ACACB: variants seen among roughly 807,000 people sequenced by gnomAD.
ACACB encodes the protein acetyl-CoA carboxylase 2.
Under a neutral mutation model 278.8 loss-of-function variants are expected in ACACB, and 209 were observed. The ratio of observed to expected loss-of-function variants is 0.75; its 90% confidence interval spans 0.67 to 0.84. The LOEUF (loss-of-function observed/expected upper bound fraction) is 0.84. Ranked by LOEUF, ACACB falls within the 40% of genes least tolerant of loss-of-function variation. The pLI is 0.00. For synonymous variants in ACACB, 1,174 were observed against 1,285.6 expected, an observed-to-expected ratio of 0.91 and a Z score of 1.86; for missense variants, 2,850 against 3,269.0, an observed-to-expected ratio of 0.87 and a Z score of 3.13.
At chr12:109,210,364 T>C (rs1187298709) in intron 21 of ACACB, among the ~76,000 whole-genome samples, 7 of 139,616 alleles carry the variant, frequency 5.0e-5, no homozygotes, top group Admixed American at 4.9e-4. Flanking sequence ...TGTGTATATA[T>C]GTATATACAC....
At chr12:109,254,864 T>A (rs1419722940) in intron 44 of ACACB, among the ~76,000 whole-genome samples, 4 of 151,898 alleles carry the variant, frequency 2.6e-5, no homozygotes, top group African/African-American at 9.7e-5. Context: ...AATCTCTACC[T>A]CCTGGGTTCA....
At chr12:109,112,612 G>T (rs2042328258), upstream of ACACB, among the ~76,000 whole-genome samples, 1 of 145,230 alleles carries the variant, frequency 6.9e-6, no homozygotes, top group African/African-American at 2.5e-5. Context: ...TGAGGCAGGA[G>T]AATCACTTGA....
At chr12:109,130,668 G>A (rs1463704149) in intron 1 of ACACB, among the ~76,000 whole-genome samples, 2 of 152,164 alleles carry the variant, frequency 1.3e-5, no homozygotes, top group African/African-American at 2.4e-5. Context: ...TCTACAGGCC[G>A]AGTGCAGGTG....
At chr12:109,245,801 T>C in intron 38 of ACACB, 53 bp downstream of exon 38, 6 of 1,596,350 alleles carry the variant, frequency 3.8e-6, no homozygotes, top group Non-Finnish European at 5.1e-6. Context: ...CTTAAAAATA[T>C]TTTTGGGCCA....
At chr12:109,183,913 T>C (rs2044563581) in intron 11 of ACACB, among the ~76,000 whole-genome samples, 1 of 151,268 alleles carries the variant, frequency 6.6e-6, no homozygotes, top group Non-Finnish European at 1.5e-5. Context: ...GTTTTCTTTA[T>C]TTTTTTTTCA....
At chr12:109,128,154 C>T (rs868332792) in intron 1 of ACACB, among the ~76,000 whole-genome samples, 2 of 152,038 alleles carry the variant, frequency 1.3e-5, no homozygotes, top group East Asian at 1.9e-4. Context: ...TTCTGAGATT[C>T]TAGCAATTAG....
At chr12:109,248,867 A>G (rs993008057) in intron 40 of ACACB, 15 of 152,234 alleles carry the variant, frequency 9.9e-5, no homozygotes, top group East Asian at 3.8e-4. Context: ...CTGGCGGGAC[A>G]GTGTTTCTCA....
In ACACB at chr12:109,238,570, TA is replaced by T. The variant is rs377326885; in HGVS notation, c.4662+1191del. Among the ~76,000 whole-genome samples, 878 of 146,574 alleles carry T rather than the reference TA, an allele frequency of 6.0e-3. 28 individuals carry two copies. The East Asian group carries it at 0.08, about 13-fold the overall frequency. On this transcript the variant is annotated intron_variant, in intron 34 of 52. Coordinates refer to ENST00000338432, the MANE Select transcript of ACACB (RefSeq NM_001093.4). ...AATGTATATATAATTATTATATATA[TA>T]TATTTTTTTGGAGATGGAGTTTTGC...
chr12:109,129,378 G>A (rs2042764011), intron 1 of ACACB, among the ~76,000 whole-genome samples: 1 of 152,210 alleles, frequency 6.6e-6, no homozygotes, highest in African/African-American at 2.4e-5. Context: ...TCTTAGCACA[G>A]TGGCTGTCAT....
intron 48 of ACACB, among the ~76,000 whole-genome samples, chr12:109,261,011 G>GA (rs1461281425): frequency 6.6e-6 from 1 of 152,208 alleles, no homozygotes; most frequent in African/African-American, 2.4e-5. Flanking sequence ...TAGGTGGTCA[G>GA]AAAATACTGG....
At chr12:109,259,201 G>A in intron 47 of ACACB, 93 bp downstream of exon 47, 2 of 1,448,642 alleles carry the variant, frequency 1.4e-6, no homozygotes, top group Non-Finnish European at 1.9e-6. Flanking sequence ...CCTAGTCTGT[G>A]CCCATCATCA....
At chr12:109,196,765 G>GACT (rs1374047742) in intron 16 of ACACB, among the ~76,000 whole-genome samples, 3 of 152,162 alleles carry the variant, frequency 2.0e-5, no homozygotes, top group Admixed American at 2.0e-4. Context: ...GCTTGACAGG[G>GACT]ACTATATAAG....
intron 2 of ACACB, among the ~76,000 whole-genome samples, chr12:109,149,747 C>G (rs1345177471): frequency 6.6e-6 from 1 of 152,158 alleles, no homozygotes; most frequent in Non-Finnish European, 1.5e-5. Flanking sequence ...TATTGCAACC[C>G]CTCTGGGTGC....
rs988670276 is a variant in ACACB, at chr12:109,206,161, C to T, written c.2914-549C>T. Among the ~76,000 whole-genome samples the T allele has an allele frequency of 2.6e-5, 4 of 152,134 alleles. No homozygotes were observed. In the East Asian group the frequency reaches 5.8e-4, roughly 22 times the overall value. On this transcript the variant is annotated intron_variant, in intron 19 of 52. Coordinates refer to ENST00000338432, the MANE Select transcript of ACACB (RefSeq NM_001093.4). ...AACAACAACAAACAGATCGGCCGGGCGCAGTGGCTCACCCCTGTAATCCCA... is the reference window on the plus strand; with the variant it reads ...AACAACAACAAACAGATCGGCCGGGTGCAGTGGCTCACCCCTGTAATCCCA...
At chr12:109,112,120 A>G (rs560181125), upstream of ACACB, among the ~76,000 whole-genome samples, 86 of 149,834 alleles carry the variant, frequency 5.7e-4, no homozygotes, top group African/African-American at 2.1e-3. Context: ...GGAATAATTC[A>G]AAACACAATT....
In ACACB at chr12:109,254,324, G is replaced by C. The variant is rs770645594; in HGVS notation, c.6156G>C (p.Arg2052Ser). ...PYDPRWMLAGRPHPTLKGTWQ... is the reference protein window; with the variant it reads ...PYDPRWMLAGSPHPTLKGTWQ... Reference sequence around the variant, plus strand: ...ACCCCCGGTGGATGCTTGCAGGAAGGCCTCACCCAAGTAAGTTCTAAAGTA... The same window carrying C: ...ACCCCCGGTGGATGCTTGCAGGAAGCCCTCACCCAAGTAAGTTCTAAAGTA... Residue 2052 changes from arginine (R) to serine (S), a missense_variant, in exon 44 of 53, where the codon AGG becomes AGC. By Grantham distance (110) the Arg-to-Ser change is moderately radical. Transcript: ENST00000338432. 1.2e-6 allele frequency: 2 copies of C among 1,609,846 alleles called. 1 individual carries two copies. Among genetic ancestry groups the C allele is most frequent in the South Asian group, 2.2e-5 (2 of 90,818 alleles).
rs776370396 is a variant in ACACB, at chr12:109,237,214, A to G, written c.4496A>G (p.Gln1499Arg). The change falls in exon 34 of 53, where the codon CAG becomes CGG. Residue 1499 changes from glutamine (Q) to arginine (R), a missense_variant. By Grantham distance (43) the Gln-to-Arg change is conservative. Transcript: ENST00000338432. Reference sequence around the variant, plus strand: ...CACTTGGAACCTGCCCTGGCCTTCCAGCTGGAACTTAACCGGATGCGTAAC... The same window carrying G: ...CACTTGGAACCTGCCCTGGCCTTCCGGCTGGAACTTAACCGGATGCGTAAC... Reference protein sequence around the residue: ...YRHLEPALAFQLELNRMRNFD... With the variant: ...YRHLEPALAFRLELNRMRNFD... 1 of 1,614,166 alleles carries G rather than the reference A, an allele frequency of 6.2e-7. No homozygotes were observed. Among genetic ancestry groups the G allele is most frequent in the Admixed American group, 1.7e-5 (1 of 60,006 alleles).
At chr12:109,253,208 C>T (rs372570947) in intron 43 of ACACB, 50 bp downstream of exon 43, 33 of 1,483,900 alleles carry the variant, frequency 2.2e-5, no homozygotes, top group African/African-American at 1.4e-5. Context: ...TTATTAAGCT[C>T]ATTGGCTAAT....
chr12:109,256,374 A>C (rs1469895061), intron 45 of ACACB, 138 bp downstream of exon 45: 1 of 647,122 alleles, frequency 1.5e-6, no homozygotes, highest in Non-Finnish European at 2.8e-6. Context: ...CAATTTGGGG[A>C]ATGATTTCTG....
Sources: gnomAD v4.1 joint callset for allele counts (sites outside exome capture counted in the v4.1 genomes callset) on GRCh38, gnomAD v4.1.1 for gene constraint, MANE v1.5 for transcripts, NCBI Gene and HGNC (gene_info 2026-07-23, HGNC 2026-07-21) for gene names.